RNF111: variants seen among roughly 807,000 people sequenced by gnomAD.
RNF111 encodes E3 ubiquitin-protein ligase Arkadia.
A neutral mutation model predicts 95.1 loss-of-function variants in RNF111; 17 were observed. That is an observed-to-expected ratio of 0.18 (90% confidence interval 0.12 to 0.27). RNF111 has a LOEUF of 0.27. Ranked by LOEUF, RNF111 falls within the 10% of genes least tolerant of loss-of-function variation. The probability of loss-of-function intolerance (pLI) is 1.00; values close to 1 mark genes in which losing one functional copy is unlikely to be tolerated. For missense variants in RNF111, 1,189 were observed against 1,210.4 expected (o/e 0.98, Z 0.26); for synonymous variants, 440 against 414.8 (o/e 1.06, Z -0.74).
intron 2 of RNF111, among the ~76,000 whole-genome samples, chr15:59,046,647 C>G (rs1351928403): frequency 6.6e-6 from 1 of 152,158 alleles, no homozygotes; most frequent in Non-Finnish European, 1.5e-5. Context: ...AGGAGAAAAT[C>G]TCAGTGACCT....
In RNF111 at chr15:59,085,751, T is replaced by C; in HGVS notation, c.2516T>C (p.Leu839Pro). The change falls in exon 10 of 14, where the codon CTT becomes CCT. Residue 839 changes from leucine to proline, a missense_variant. Leu to Pro is a moderately conservative substitution (Grantham distance 98). Around this residue, in one of 2 missense-constraint regions of RNF111, gnomAD observed 165 missense variants for 284.6 expected, o/e 0.58. Coordinates refer to ENST00000348370, the MANE Select transcript of RNF111 (RefSeq NM_017610.8). ...HLAHYHAPPR[L>P]HHLQLGALPL... ...GCCCATTATCACGCACCTCCTCGAC[T>C]TCATCACTTACAATTAGGAGCTCTT... is the stretch of plus-strand genomic sequence containing the variant. 1 of 1,613,482 alleles carries C rather than the reference T, an allele frequency of 6.2e-7. No individual in the cohort carries two copies. The highest frequency in any genetic ancestry group is 8.5e-7 in the Non-Finnish European group (1 of 1,179,606).
At chr15:58,997,726 G>A (rs2039140039) in intron 1 of RNF111, among the ~76,000 whole-genome samples, 1 of 151,198 alleles carries the variant, frequency 6.6e-6, no homozygotes, top group African/African-American at 2.4e-5. Flanking sequence ...TGAGGCAGGA[G>A]GATGGCTTGA....
intron 7 of RNF111, among the ~76,000 whole-genome samples, chr15:59,080,573 A>G (rs2078711750): frequency 6.6e-6 from 1 of 152,216 alleles, no homozygotes; most frequent in African/African-American, 2.4e-5. Flanking sequence ...ATATGTGTGT[A>G]TACATGTGTG....
At position 59,031,519 on chromosome 15, in the gene RNF111, T is replaced by C; in HGVS notation, c.697T>C (p.Leu233=). Residue 233 remains leucine (L), a synonymous_variant, in exon 2 of 14, where the codon TTA becomes CTA. Coordinates refer to ENST00000348370, the MANE Select transcript of RNF111 (RefSeq NM_017610.8). The stretch of plus-strand genomic sequence containing the variant: ...GACACAGAAACAAAAAGAGAGGATA[T>C]TAATGCAGAGGAAGAAACGAGAAGT... ...QRTQKQKERI[L]MQRKKREVLA... 1.2e-6 allele frequency: 2 copies of C among 1,614,172 alleles called. No individual in the cohort carries two copies. Among genetic ancestry groups the C allele is most frequent in the Non-Finnish European group, 1.7e-6 (2 of 1,180,026 alleles).
intron 2 of RNF111, among the ~76,000 whole-genome samples, chr15:59,033,733 C>T (rs2041027424): frequency 1.3e-5 from 2 of 152,162 alleles, no homozygotes. Flanking sequence ...GAAGTCCAAA[C>T]TTAATTCATT....
chr15:59,002,543 T>G (rs1409106121), intron 1 of RNF111, among the ~76,000 whole-genome samples: 1 of 144,434 alleles, frequency 6.9e-6, no homozygotes, highest in Non-Finnish European at 1.5e-5. Flanking sequence ...CCCTCATAAC[T>G]GTGCATTTAA....
intron 1 of RNF111, among the ~76,000 whole-genome samples, chr15:59,008,321 G>C (rs912980419): frequency 6.6e-6 from 1 of 151,862 alleles, no homozygotes; most frequent in African/African-American, 2.4e-5. Context: ...GAGCTCAAGC[G>C]ATCCTCCTGC....
chr15:58,995,563 A>G lies in RNF111; in HGVS notation c.-20+7495A>G, dbSNP rs147958409. Reference sequence around the variant, plus strand: ...AACCTCTGCCTCCCGGGTTCAAGCAATTCTCTGCCTCAGCCTCCCAAATAG... The same window carrying G: ...AACCTCTGCCTCCCGGGTTCAAGCAGTTCTCTGCCTCAGCCTCCCAAATAG... On this transcript the variant is annotated intron_variant, in intron 1 of 13. Coordinates refer to ENST00000348370, the MANE Select transcript of RNF111 (RefSeq NM_017610.8). Among the ~76,000 whole-genome samples the G allele has an allele frequency of 7.0e-4, 106 of 151,796 alleles. No individual in the cohort carries two copies. The East Asian group carries it at 0.014, about 21-fold the overall frequency.
chr15:59,084,648 T>G (rs2078844996), intron 9 of RNF111, among the ~76,000 whole-genome samples: 1 of 152,172 alleles, frequency 6.6e-6, no homozygotes, highest in Non-Finnish European at 1.5e-5. Flanking sequence ...TGTCGCAGTT[T>G]TGAAATAAAC....
intron 2 of RNF111, among the ~76,000 whole-genome samples, chr15:59,035,849 A>G (rs1247015433): frequency 6.6e-6 from 1 of 152,176 alleles, no homozygotes; most frequent in Non-Finnish European, 1.5e-5. Flanking sequence ...GGTCAAAGCC[A>G]TTCAACAAGT....
At chr15:59,032,484 C>T (rs1400265972) in intron 2 of RNF111, among the ~76,000 whole-genome samples, 1 of 152,052 alleles carries the variant, frequency 6.6e-6, no homozygotes, top group Non-Finnish European at 1.5e-5. Context: ...TATAGTGATG[C>T]AGTCTTGGTT....
rs767767290 is a variant in RNF111, at chr15:59,096,419, T to C, written c.*1519T>C. On this transcript the variant is annotated 3_prime_UTR_variant, in exon 14 of 14. Coordinates refer to ENST00000348370, the MANE Select transcript of RNF111 (RefSeq NM_017610.8). The stretch of plus-strand genomic sequence containing the variant: ...AGTGGATTGATTAATAAATAACTTA[T>C]ATTTCTATTGTCTTTGTGTTTCATA... 5 of 212,688 alleles carry C rather than the reference T, an allele frequency of 2.4e-5. No homozygotes were observed. Among genetic ancestry groups the C allele is most frequent in the Non-Finnish European group, 4.6e-5 (5 of 108,664 alleles). 13.2% of individuals were successfully genotyped at this position (212,688 alleles called of 1,614,324 possible).
chr15:58,995,565 T>C (rs2141388474), intron 1 of RNF111, among the ~76,000 whole-genome samples: 1 of 151,930 alleles, frequency 6.6e-6, no homozygotes, highest in African/African-American at 2.4e-5. Flanking sequence ...TTCAAGCAAT[T>C]CTCTGCCTCA....
At chr15:59,028,143 A>G (rs2040718093) in intron 1 of RNF111, among the ~76,000 whole-genome samples, 4 of 152,150 alleles carry the variant, frequency 2.6e-5, no homozygotes, top group Admixed American at 2.6e-4. Context: ...TTCGGCCATC[A>G]TAGTTGAATC....
intron 1 of RNF111, among the ~76,000 whole-genome samples, chr15:59,009,529 A>G (rs1404482341): frequency 6.6e-6 from 1 of 150,758 alleles, no homozygotes; most frequent in Non-Finnish European, 1.5e-5. Flanking sequence ...GAATTTGATA[A>G]TTTCAGATCA....
intron 2 of RNF111, 57 bp from the exon 3 acceptor site, chr15:59,052,248 G>A: frequency 7.0e-7 from 1 of 1,421,040 alleles, no homozygotes; most frequent in Non-Finnish European, 9.3e-7. Context: ...AAAAATTTCT[G>A]CCTAACGATT....
chr15:59,026,581 A>T (rs1188626781), intron 1 of RNF111, among the ~76,000 whole-genome samples: 3 of 152,226 alleles, frequency 2.0e-5, no homozygotes, highest in Non-Finnish European at 4.4e-5. Flanking sequence ...ATATGGTTTT[A>T]TCAAACAGCA....
intron 2 of RNF111, among the ~76,000 whole-genome samples, chr15:59,045,337 C>T (rs545083425): frequency 6.6e-6 from 1 of 152,032 alleles, no homozygotes; most frequent in African/African-American, 2.4e-5. Flanking sequence ...ACTACAGGCA[C>T]CTGCCACCAC....
chr15:59,040,142 TCTCA>T (rs1453185482), intron 2 of RNF111, among the ~76,000 whole-genome samples: 6 of 152,000 alleles, frequency 3.9e-5, no homozygotes, highest in Admixed American at 2.0e-4. Flanking sequence ...AAAGGGACGG[TCTCA>T]CTCTGTTGCC....
Sources: gnomAD v4.1 joint callset for allele counts (sites outside exome capture counted in the v4.1 genomes callset) on GRCh38, gnomAD v4.1.1 for gene constraint, gnomAD v4.1.1 regional missense constraint, MANE v1.5 for transcripts, NCBI Gene and HGNC (gene_info 2026-07-23, HGNC 2026-07-21) for gene names.